Variants in PCDHGA2 observed in about 807,000 individuals in gnomAD.
The protein encoded by PCDHGA2 is protocadherin gamma subfamily A, 2, also known as protocadherin gamma-A2.
In PCDHGA2, 40 loss-of-function variants were observed where a neutral mutation model predicts 59.2. That is an observed-to-expected ratio of 0.68 (90% confidence interval 0.52 to 0.88). The LOEUF (loss-of-function observed/expected upper bound fraction) is 0.88. PCDHGA2 is among the 40% of genes least tolerant of loss of function. The pLI is 0.00. For missense variants in PCDHGA2, 1,226 were observed against 1,204.0 expected (o/e 1.02, Z -0.27); for synonymous variants, 560 against 526.0 (o/e 1.06, Z -0.89).
Position 141,477,098 on chromosome 5 carries a change from G to A in PCDHGA2, c.2425-17709G>A, listed in dbSNP as rs1562059777. 1.9e-6 allele frequency: 3 copies of A among 1,614,124 alleles called. No individual in the cohort carries two copies. The highest frequency in any genetic ancestry group is 3.3e-5 in the Admixed American group (2 of 60,008). The stretch of plus-strand genomic sequence containing the variant: ...GATTTACATCCAGGCCAAAGACAAG[G>A]GCGCCAATCCCGAAGGAGCACATTG... On this transcript the variant is annotated intron_variant, in intron 1 of 3. Coordinates refer to ENST00000394576, the MANE Select transcript of PCDHGA2 (RefSeq NM_018915.4). This position sits in a 1 kb window ranked among gnomAD's most constrained non-coding sequence, Gnocchi z 4.9.
intron 1 of PCDHGA2, among the ~76,000 whole-genome samples, chr5:141,482,089 CA>C (rs36035257): frequency 0.43 from 58,297 of 134,322 alleles, 12,050 homozygotes; most frequent in African/African-American, 0.53. Context: ...CACTCCATCT[CA>C]AAAAAAAAAA....
Position 141,490,975 on chromosome 5 carries a change from C to T in PCDHGA2, c.2425-3832C>T. 1 of 1,614,056 alleles carries T rather than the reference C, an allele frequency of 6.2e-7. No individual in the cohort carries two copies. Among genetic ancestry groups the T allele is most frequent in the African/African-American group, 1.3e-5 (1 of 75,070 alleles). ...CTGGGAACACTCAGCCCCCCAGCGT[C>T]TCCCTCGCTCTGCTCCTCCTGGCTC... On this transcript the variant is annotated intron_variant, in intron 1 of 3. Coordinates refer to ENST00000394576, the MANE Select transcript of PCDHGA2 (RefSeq NM_018915.4). This position sits in a 1 kb window ranked among gnomAD's most constrained non-coding sequence, Gnocchi z 5.4.
intron 1 of PCDHGA2, chr5:141,364,893 G>T (rs750465493): frequency 1.2e-6 from 2 of 1,613,968 alleles, no homozygotes; most frequent in Admixed American, 3.3e-5. Flanking sequence ...GGAACTGATG[G>T]ACAAAAGTAT....
At chr5:141,426,013 T>C (rs2096909409) in intron 1 of PCDHGA2, among the ~76,000 whole-genome samples, 1 of 152,144 alleles carries the variant, frequency 6.6e-6, no homozygotes, top group Admixed American at 6.5e-5. Flanking sequence ...CCGGCTGCAG[T>C]TTTCTAAATA....
chr5:141,375,953 G>A (rs752339386), intron 1 of PCDHGA2: 1 of 1,613,498 alleles, frequency 6.2e-7, no homozygotes, highest in African/African-American at 1.3e-5. Context: ...CCTGCACACG[G>A]GCGAGGTGCG....
intron 1 of PCDHGA2, chr5:141,366,063 C>G: frequency 6.2e-7 from 1 of 1,614,246 alleles, no homozygotes; most frequent in Non-Finnish European, 8.5e-7. Flanking sequence ...GTGGAGCTGG[C>G]GCCTCGCTCC....
chr5:141,434,802 G>A (rs1009500775), intron 1 of PCDHGA2, among the ~76,000 whole-genome samples: 10 of 151,488 alleles, frequency 6.6e-5, no homozygotes, highest in African/African-American at 2.4e-4. Flanking sequence ...TTCTGAGCTT[G>A]GAGAAATATA....
Position 141,491,842 on chromosome 5 carries a change from T to C in PCDHGA2, c.2425-2965T>C, listed in dbSNP as rs551615550. The C allele has an allele frequency of 7.5e-6, 11 of 1,464,162 alleles. No homozygotes were observed. In the South Asian group the frequency reaches 1.3e-4, roughly 17 times the overall value. 90.7% of individuals were successfully genotyped at this position (1,464,162 alleles called of 1,614,324 possible). ...GCGCTCCACCCGATTCTCGGGATCA[T>C]TGGACCGTTTGCGCGAAACCAGAGT... On this transcript the variant is annotated intron_variant, in intron 1 of 3. Transcript: ENST00000394576. The surrounding 1 kb of genome is among the most constrained non-coding windows in gnomAD (Gnocchi z 6.9).
intron 1 of PCDHGA2, chr5:141,356,627 C>T (rs1399463036): frequency 6.2e-7 from 1 of 1,614,182 alleles, no homozygotes; most frequent in Non-Finnish European, 8.5e-7. Context: ...TCTATGACTG[C>T]TCAAGACCCT....
Position 141,431,041 on chromosome 5 carries a change from G to C in PCDHGA2, c.2425-63766G>C, listed in dbSNP as rs2097339173. On this transcript the variant is annotated intron_variant, in intron 1 of 3. Coordinates refer to ENST00000394576, the MANE Select transcript of PCDHGA2 (RefSeq NM_018915.4). The surrounding 1 kb of genome is among the most constrained non-coding windows in gnomAD (Gnocchi z 4.8). ...CGGCGGGCAGGATAGACCGGGAGGA[G>C]CTCTGTATGGGGGCCATCAAGTGTC... The C allele has an allele frequency of 6.2e-7, 1 of 1,614,116 alleles. No homozygotes were observed. Among genetic ancestry groups the C allele is most frequent in the Non-Finnish European group, 8.5e-7 (1 of 1,180,046 alleles).
intron 3 of PCDHGA2, among the ~76,000 whole-genome samples, chr5:141,509,504 C>T (rs534951697): frequency 4.7e-4 from 72 of 152,246 alleles, no homozygotes; most frequent in Non-Finnish European, 8.4e-4. Flanking sequence ...CTGGATGTGA[C>T]GGTGTTGATG....
Position 141,490,446 on chromosome 5 carries a change from C to T in PCDHGA2, c.2425-4361C>T, listed in dbSNP as rs779502898. 2.5e-6 allele frequency: 4 copies of T among 1,614,196 alleles called. No homozygotes were observed. The highest frequency in any genetic ancestry group is 3.4e-6 in the Non-Finnish European group (4 of 1,180,016). ...CATTTCAGATTAAGCCTTCTGAGAA[C>T]CACTACTCGCTGCTAACCAGCCAGC... On this transcript the variant is annotated intron_variant, in intron 1 of 3. Coordinates refer to ENST00000394576, the MANE Select transcript of PCDHGA2 (RefSeq NM_018915.4). The surrounding 1 kb of genome is among the most constrained non-coding windows in gnomAD (Gnocchi z 5.4).
intron 1 of PCDHGA2, among the ~76,000 whole-genome samples, chr5:141,474,114 C>T (rs940809934): frequency 2.6e-5 from 4 of 152,224 alleles, no homozygotes; most frequent in South Asian, 2.1e-4. Context: ...ACAACAACAA[C>T]GAAAATCTCA....
intron 1 of PCDHGA2, chr5:141,400,218 G>C (rs2093982352): frequency 6.2e-7 from 1 of 1,613,932 alleles, no homozygotes; most frequent in Admixed American, 1.7e-5. Context: ...TGATCTCAGT[G>C]CTCTTCCTCC....
intron 1 of PCDHGA2, chr5:141,391,586 AAT>A (rs1412247634): frequency 6.6e-6 from 1 of 152,234 alleles, no homozygotes; most frequent in Non-Finnish European, 1.5e-5. Flanking sequence ...TTCACAGGAA[AAT>A]ATAAAGTTTT....
rs140017060 is a variant in PCDHGA2 at position 141,340,031 on chromosome 5, A to G, written c.1060A>G (p.Ser354Gly). Residue 354 changes from serine (S) to glycine (G), a missense_variant, in exon 1 of 4, where the codon AGC becomes GGC. Transcript: ENST00000394576. The part of the protein sequence containing the change: ...APEFYMTSAT[S>G]SVSEDSLPGT... ...AGAATTTTACATGACATCTGCTACT[A>G]GCTCAGTTTCTGAAGACTCTCTTCC... 9.4e-5 allele frequency: 151 copies of G among 1,614,190 alleles called. No individual in the cohort carries two copies. In the African/African-American group the frequency reaches 1.8e-3, roughly 19 times the overall value.
At chr5:141,368,210 C>A (rs1293678228) in intron 1 of PCDHGA2, among the ~76,000 whole-genome samples, 5 of 152,078 alleles carry the variant, frequency 3.3e-5, no homozygotes, top group Admixed American at 6.5e-5. Flanking sequence ...TAAAATATTA[C>A]AAATGGGATA....
chr5:141,338,986 A>G lies in PCDHGA2; in HGVS notation c.15A>G (p.Gln5=), dbSNP rs1047094730. The change falls in exon 1 of 4, where the codon CAA becomes CAG. Residue 5 remains glutamine (Q), a synonymous_variant. Transcript: ENST00000394576. MAAL[Q]KLPHCRKLVL... ...ACAGGAGGGAAATGGCGGCTCTGCA[A>G]AAGTTGCCACACTGCAGAAAGCTGG... 1.9e-5 allele frequency: 29 copies of G among 1,540,890 alleles called. No individual in the cohort carries two copies. The highest frequency in any genetic ancestry group is 2.1e-5 in the Non-Finnish European group (24 of 1,143,252).
intron 1 of PCDHGA2, among the ~76,000 whole-genome samples, chr5:141,369,619 C>T (rs1197396001): frequency 6.6e-6 from 1 of 152,170 alleles, no homozygotes; most frequent in African/African-American, 2.4e-5. Context: ...CAATCATTTC[C>T]TCATTACCTT....
Sources: allele counts gnomAD v4.1 joint callset (sites outside exome capture counted in the v4.1 genomes callset), GRCh38; gene constraint gnomAD v4.1.1; non-coding constraint Gnocchi (gnomAD v3.1); transcripts MANE v1.5; gene names NCBI Gene and HGNC (gene_info 2026-07-23, HGNC 2026-07-21).